The following SHQ1 variants were observed in gnomAD, a reference collection of about 807,000 sequenced individuals.
The protein encoded by SHQ1 is SHQ1, H/ACA ribonucleoprotein assembly factor, also known as protein SHQ1 homolog.
In SHQ1, 49 loss-of-function variants were observed where a neutral mutation model predicts 53.8. That is an observed-to-expected ratio of 0.91 (90% CI 0.72 to 1.16). The LOEUF (loss-of-function observed/expected upper bound fraction) is 1.16. SHQ1 is among the 50% of genes most tolerant of loss of function. The pLI, the probability that SHQ1 is intolerant of heterozygous loss-of-function variation, is 0.00. For synonymous variants in SHQ1, 243 were observed against 251.0 expected (o/e 0.97, Z 0.30); for missense variants, 738 against 683.1 (o/e 1.08, Z -0.90).
intron 9 of SHQ1, among the ~76,000 whole-genome samples, chr3:72,797,875 C>T (rs1017913122): frequency 1.3e-5 from 2 of 150,832 alleles, no homozygotes; most frequent in African/African-American, 4.9e-5. Flanking sequence ...AGGAGACTCA[C>T]CAAGCATGTG....
At chr3:72,740,690 G>C in the SHQ1 span, among the ~76,000 whole-genome samples, 1 of 152,168 alleles carries the variant, frequency 6.6e-6, no homozygotes, top group Non-Finnish European at 1.5e-5. Flanking sequence ...GGTGGTATGG[G>C]CATCCATGAC....
intron 4 of SHQ1, among the ~76,000 whole-genome samples, chr3:72,833,013 G>T (rs1258092616): frequency 6.6e-6 from 1 of 152,158 alleles, no homozygotes; most frequent in East Asian, 1.9e-4. Flanking sequence ...TGGAATACTT[G>T]CATTATACCA....
intron 5 of SHQ1, among the ~76,000 whole-genome samples, chr3:72,825,431 C>A (rs1707622104): frequency 6.6e-6 from 1 of 151,234 alleles, no homozygotes; most frequent in South Asian, 2.1e-4. Context: ...TATTTTCTAC[C>A]AAGATAAAAT....
chr3:72,842,999 C>T (rs769400651), intron 2 of SHQ1, among the ~76,000 whole-genome samples: 11 of 151,904 alleles, frequency 7.2e-5, no homozygotes, highest in Non-Finnish European at 1.3e-4. Flanking sequence ...ATCGCTTGAA[C>T]CCAGGAGGAA....
At chr3:72,766,723 G>T (rs1705737267) in intron 10 of SHQ1, among the ~76,000 whole-genome samples, 1 of 152,134 alleles carries the variant, frequency 6.6e-6, no homozygotes, top group South Asian at 2.1e-4. Flanking sequence ...GTGCAGGTCT[G>T]CCGGTGAAGG....
chr3:72,760,534 G>A (rs968853698), intron 10 of SHQ1, among the ~76,000 whole-genome samples: 1 of 152,164 alleles, frequency 6.6e-6, no homozygotes, highest in Non-Finnish European at 1.5e-5. Context: ...TGACATGACT[G>A]GGTACTTTGA....
intron 10 of SHQ1, among the ~76,000 whole-genome samples, chr3:72,775,439 A>G (rs1044749555): frequency 6.6e-6 from 1 of 151,902 alleles, no homozygotes; most frequent in Non-Finnish European, 1.5e-5. Flanking sequence ...TTTTCCCATA[A>G]AGAAAGAAAG....
At position 72,815,075 on chromosome 3, in the gene SHQ1, C is replaced by A. The variant is rs1004340936; in HGVS notation, c.936+275G>T. ...AGTTTCAAGCTCCAATACATGCCAA[C>A]TTACAAACACACCTCTCACTCTGCC... On this transcript the variant is annotated intron_variant, in intron 8 of 10. Transcript: ENST00000325599. Among the ~76,000 whole-genome samples the A allele has an allele frequency of 3.3e-5, 5 of 152,230 alleles. No homozygotes were observed. The East Asian group carries it at 5.8e-4, about 18-fold the overall frequency.
chr3:72,732,405 C>T, the SHQ1 span, among the ~76,000 whole-genome samples: 1 of 141,518 alleles, frequency 7.1e-6, no homozygotes, highest in African/African-American at 2.7e-5. Flanking sequence ...TTCCTTCCTT[C>T]CTTCCTTCCT....
intron 10 of SHQ1, 103 bp downstream of exon 10, chr3:72,792,813 A>AAAAAAATT: frequency 1.4e-6 from 1 of 727,450 alleles, no homozygotes; most frequent in Non-Finnish European, 2.1e-6. Flanking sequence ...AAAAAAAAAC[A>AAAAAAATT]CAACTTACTC....
chr3:72,739,499 G>T, the SHQ1 span, among the ~76,000 whole-genome samples: 1 of 152,180 alleles, frequency 6.6e-6, no homozygotes, highest in Admixed American at 6.5e-5. Flanking sequence ...GTAAAGATGG[G>T]GTTCGGAAGC....
chr3:72,799,001 C>A (rs1706708815), intron 9 of SHQ1, among the ~76,000 whole-genome samples: 1 of 152,034 alleles, frequency 6.6e-6, no homozygotes, highest in Admixed American at 6.5e-5. Flanking sequence ...AATGTCATAT[C>A]TGTCCTTATC....
intron 4 of SHQ1, among the ~76,000 whole-genome samples, chr3:72,837,216 A>G (rs571361443): frequency 6.6e-6 from 1 of 152,320 alleles, no homozygotes; most frequent in South Asian, 2.1e-4. Context: ...GGAAAAAAAG[A>G]CTGGGGATAG....
intron 10 of SHQ1, among the ~76,000 whole-genome samples, chr3:72,776,250 A>G (rs553374589): frequency 1.3e-5 from 2 of 152,364 alleles, no homozygotes; most frequent in South Asian, 4.1e-4. Flanking sequence ...GTTGTGGTCA[A>G]TGATGAACTA....
At chr3:72,801,536 A>G (rs992862516) in intron 9 of SHQ1, among the ~76,000 whole-genome samples, 2 of 152,178 alleles carry the variant, frequency 1.3e-5, no homozygotes, top group Admixed American at 6.5e-5. Context: ...AAAAGGAAAA[A>G]ACAAACCTAA....
chr3:72,801,787 T>C (rs1706797586), intron 9 of SHQ1, among the ~76,000 whole-genome samples: 1 of 152,248 alleles, frequency 6.6e-6, no homozygotes, highest in Admixed American at 6.5e-5. Context: ...TACATATAAG[T>C]TTAATTTATA....
At chr3:72,735,284 G>A in the SHQ1 span, among the ~76,000 whole-genome samples, 1,384 of 150,628 alleles carry the variant, frequency 9.2e-3, 49 homozygotes, top group African/African-American at 0.03. Flanking sequence ...TGGGCTCAGT[G>A]GGGGCGGTTC....
At chr3:72,737,719 A>G in the SHQ1 span, among the ~76,000 whole-genome samples, 1 of 152,324 alleles carries the variant, frequency 6.6e-6, no homozygotes, top group East Asian at 1.9e-4. Context: ...GAATAATGAC[A>G]CGAAAAAAAG....
At chr3:72,787,105 G>A (rs1706254802) in intron 10 of SHQ1, among the ~76,000 whole-genome samples, 1 of 152,168 alleles carries the variant, frequency 6.6e-6, no homozygotes. Context: ...TAAGGTTCAT[G>A]ACTTATGAAA....
Sources: gnomAD v4.1 joint callset for allele counts (sites outside exome capture counted in the v4.1 genomes callset) on GRCh38, gnomAD v4.1.1 for gene constraint, MANE v1.5 for transcripts, NCBI Gene and HGNC (gene_info 2026-07-23, HGNC 2026-07-21) for gene names.